Variants in ARAP2 observed in about 807,000 individuals in gnomAD.
The protein encoded by ARAP2 is ArfGAP with RhoGAP domain, ankyrin repeat and PH domain 2, also known as arf-GAP with Rho-GAP domain, ANK repeat and PH domain-containing protein 2.
A neutral mutation model predicts 194.5 loss-of-function variants in ARAP2; 148 were observed. The observed-to-expected ratio is 0.76, with a 90% CI of 0.67 to 0.87. The LOEUF (loss-of-function observed/expected upper bound fraction) is 0.87, where lower values mean the gene tolerates loss of function less well. Ranked by LOEUF, ARAP2 falls within the 40% of genes least tolerant of loss-of-function variation. The probability of loss-of-function intolerance (pLI) is 0.00; values close to 1 mark genes in which losing one functional copy is unlikely to be tolerated. For synonymous variants in ARAP2, 695 were observed against 683.5 expected, an observed-to-expected ratio of 1.02 and a Z score of -0.26; for missense variants, 2,128 against 1,989.7, an observed-to-expected ratio of 1.07 and a Z score of -1.32.
At chr4:36,088,511 A>G (rs1242567809) in intron 28 of ARAP2, among the ~76,000 whole-genome samples, 1 of 152,096 alleles carries the variant, frequency 6.6e-6, no homozygotes, top group Non-Finnish European at 1.5e-5. Flanking sequence ...ACCACTTGAT[A>G]CCCACACAGA....
intron 10 of ARAP2, chr4:36,006,710 A>C (rs1192594042): frequency 2.0e-5 from 3 of 152,176 alleles, no homozygotes; most frequent in African/African-American, 7.2e-5. Flanking sequence ...AGAGTAGGCT[A>C]TCTTTAAATT....
At chr4:36,119,505 A>C (rs1341083256) in intron 24 of ARAP2, 145 bp downstream of exon 24, 2 of 495,804 alleles carry the variant, frequency 4.0e-6, no homozygotes, top group Non-Finnish European at 7.1e-6. Context: ...TTGCTGAATT[A>C]CACAACCAAT....
intron 1 of ARAP2, among the ~76,000 whole-genome samples, chr4:36,241,874 A>C (rs976532478): frequency 1.3e-5 from 2 of 152,108 alleles, no homozygotes; most frequent in Non-Finnish European, 2.9e-5. Context: ...CTGCCACCTA[A>C]ACCACTGCTT....
exon 6 of ARAP2, chr4:36,019,180 A>C (rs1716441476): frequency 6.7e-6 from 1 of 149,544 alleles, no homozygotes; most frequent in Non-Finnish European, 1.5e-5. Flanking sequence ...TTCATCTTTA[A>C]TTATGCTTGG....
chr4:36,207,790 A>C (rs1461999279), intron 6 of ARAP2, among the ~76,000 whole-genome samples: 8 of 152,076 alleles, frequency 5.3e-5, no homozygotes, highest in Non-Finnish European at 7.4e-5. Context: ...TAAAAAAAAA[A>C]CCCAAGAGTT....
At chr4:36,192,856 C>T (rs2109915986) in intron 7 of ARAP2, among the ~76,000 whole-genome samples, 1 of 152,180 alleles carries the variant, frequency 6.6e-6, no homozygotes, top group South Asian at 2.1e-4. Flanking sequence ...ATTAGCCAGG[C>T]ATGGTGGTGT....
chr4:36,163,401 T>C (rs530649621), intron 11 of ARAP2, among the ~76,000 whole-genome samples: 1 of 151,984 alleles, frequency 6.6e-6, no homozygotes, highest in African/African-American at 2.4e-5. Flanking sequence ...ACACCGAAAC[T>C]GAGAGGTAAA....
In ARAP2 at chr4:36,133,372, C is replaced by T; in HGVS notation, c.3281G>A (p.Gly1094Glu). Reference sequence around the variant, plus strand: ...GACTGTGAAATCCAACTTGGTATGCCCATGGATGTATAATGTTCTGTAAAG... The same window carrying T: ...GACTGTGAAATCCAACTTGGTATGCTCATGGATGTATAATGTTCTGTAAAG... ...VEKGRTLYIHGHTKLDFTVWH... is the reference protein window; with the variant it reads ...VEKGRTLYIHEHTKLDFTVWH... The change falls in exon 20 of 33, where the codon GGG (glycine) becomes GAG (glutamate). Residue 1094 changes from glycine (G) to glutamate (E), a missense_variant. By Grantham distance (98) the Gly-to-Glu change is moderately conservative. Coordinates refer to ENST00000303965, the MANE Select transcript of ARAP2 (RefSeq NM_015230.4). The T allele has an allele frequency of 1.2e-6, 2 of 1,610,338 alleles. No homozygotes were observed. Among genetic ancestry groups the T allele is most frequent in the Non-Finnish European group, 1.7e-6 (2 of 1,177,786 alleles).
At chr4:36,079,466 C>T (rs1729019309) in intron 31 of ARAP2, among the ~76,000 whole-genome samples, 1 of 152,108 alleles carries the variant, frequency 6.6e-6, no homozygotes, top group Admixed American at 6.6e-5. Flanking sequence ...TAAAGAATGG[C>T]AACTTAATCG....
At chr4:36,109,659 T>A (rs576677694) in intron 26 of ARAP2, among the ~76,000 whole-genome samples, 1 of 152,096 alleles carries the variant, frequency 6.6e-6, no homozygotes, top group Admixed American at 6.6e-5. Flanking sequence ...AAGTTAGATA[T>A]ATTTGAAGGT....
At chr4:36,023,450 G>A (rs899914143) in intron 5 of ARAP2, among the ~76,000 whole-genome samples, 1 of 152,102 alleles carries the variant, frequency 6.6e-6, no homozygotes, top group African/African-American at 2.4e-5. Flanking sequence ...GGGGGTTAAT[G>A]CTCAGACTCC....
intron 28 of ARAP2, among the ~76,000 whole-genome samples, chr4:36,084,366 AC>A (rs1473663319): frequency 6.6e-6 from 1 of 152,100 alleles, no homozygotes; most frequent in Non-Finnish European, 1.5e-5. Flanking sequence ...CTGGGGTAGT[AC>A]CTTGTATTCA....
chr4:36,219,660 T>A (rs1748729213), intron 2 of ARAP2, among the ~76,000 whole-genome samples: 1 of 152,212 alleles, frequency 6.6e-6, no homozygotes, highest in South Asian at 2.1e-4. Flanking sequence ...TTGATTTATA[T>A]GTGTATACAC....
chr4:36,092,113 A>G lies in ARAP2; in HGVS notation c.4286-93T>C, dbSNP rs540160799. Reference sequence around the variant, plus strand: ...ATTTCTATATTGTCATATAGAAAAAATAAGAACTTGTTTACTACCGCTAAA... The same window carrying G: ...ATTTCTATATTGTCATATAGAAAAAGTAAGAACTTGTTTACTACCGCTAAA... On this transcript the variant is annotated intron_variant, in intron 27 of 32. Coordinates refer to ENST00000303965, the MANE Select transcript of ARAP2 (RefSeq NM_015230.4). 3.5e-5 allele frequency: 48 copies of G among 1,362,484 alleles called. 2 individuals are homozygous for G. The South Asian group carries it at 8.1e-4, about 23-fold the overall frequency. The allele number at this position is 1,362,484 out of a possible 1,614,324, so 84.4% of individuals were successfully genotyped here.
intron 8 of ARAP2, among the ~76,000 whole-genome samples, chr4:36,178,874 A>G (rs1288790388): frequency 6.6e-6 from 1 of 152,218 alleles, no homozygotes; most frequent in African/African-American, 2.4e-5. Context: ...AAAAAGAGGT[A>G]TATGTGGTAG....
intron 27 of ARAP2, among the ~76,000 whole-genome samples, chr4:36,103,856 AAGAAAATTG>A (rs777195886): frequency 9.9e-5 from 15 of 151,950 alleles, no homozygotes; most frequent in Non-Finnish European, 1.6e-4. Flanking sequence ...CAGATAAAGA[AAGAAAATTG>A]AGAAAATTAA....
In ARAP2 at chr4:36,151,021, A is replaced by G; in HGVS notation, c.2776T>C (p.Leu926=). The part of the protein sequence containing the change: ...LEETNKKWCV[L]EGGFLSYYEN... ...TAGTAACTCAAGAAGCCTCCTTCCA[A>G]AACACACCATTTTTTATTTGTCTCT... Residue 926 remains leucine, a synonymous_variant, in exon 16 of 33, where the codon TTG becomes CTG. Coordinates refer to ENST00000303965, the MANE Select transcript of ARAP2 (RefSeq NM_015230.4). 6.2e-7 allele frequency: 1 copy of G among 1,602,164 alleles called. No individual in the cohort carries two copies. Among genetic ancestry groups the G allele is most frequent in the Non-Finnish European group, 8.5e-7 (1 of 1,176,344 alleles).
At chr4:36,181,400 A>T (rs1384200513) in intron 8 of ARAP2, among the ~76,000 whole-genome samples, 18 of 148,916 alleles carry the variant, frequency 1.2e-4, no homozygotes, top group Admixed American at 1.2e-3. Context: ...AGAGTATAAG[A>T]ATTAAAAAAA....
At chr4:36,033,375 T>G (rs894095057) in intron 5 of ARAP2, among the ~76,000 whole-genome samples, 10 of 152,208 alleles carry the variant, frequency 6.6e-5, no homozygotes, top group Non-Finnish European at 1.0e-4. Context: ...TCATGTGGTT[T>G]TGATTTGCAT....
Sources: allele counts gnomAD v4.1 joint callset (sites outside exome capture counted in the v4.1 genomes callset), GRCh38; gene constraint gnomAD v4.1.1; transcripts MANE v1.5; gene names NCBI Gene and HGNC (gene_info 2026-07-23, HGNC 2026-07-21).